Variants in ZDHHC24 observed in about 807,000 individuals in gnomAD.
ZDHHC24 encodes the protein probable palmitoyltransferase ZDHHC24.
ZDHHC24 carries 17 observed loss-of-function variants against 23.2 expected under a neutral mutation model. The observed-to-expected ratio is 0.73, with a 90% CI of 0.50 to 1.10. The LOEUF (loss-of-function observed/expected upper bound fraction) is 1.10, where lower values mean the gene tolerates loss of function less well. Ranked by LOEUF, ZDHHC24 falls within the 50% of genes least tolerant of loss-of-function variation. ZDHHC24 has a pLI of 0.00. For missense variants in ZDHHC24, 366 were observed against 393.0 expected (o/e 0.93, Z 0.58); for synonymous variants, 186 against 194.5 (o/e 0.96, Z 0.36).
downstream of ZDHHC24, among the ~76,000 whole-genome samples, chr11:66,531,184 C>T (rs1856766672): frequency 6.6e-6 from 1 of 152,196 alleles, no homozygotes; most frequent in African/African-American, 2.4e-5. Context: ...AGGCCAAGGC[C>T]CCAGTAGGGG....
At chr11:66,529,366 G>A in exon 3 of ZDHHC24, 2 of 1,492,484 alleles carry the variant, frequency 1.3e-6, no homozygotes, top group South Asian at 1.2e-5. Flanking sequence ...ACCTCCCTGT[G>A]GAGATGAGCA....
intron 4 of ZDHHC24, chr11:66,522,916 C>A: frequency 2.9e-6 from 1 of 347,442 alleles, no homozygotes; most frequent in Non-Finnish European, 5.6e-6. Flanking sequence ...AAAAAGGAAC[C>A]AGTTGGTGAG....
downstream of ZDHHC24, among the ~76,000 whole-genome samples, chr11:66,531,287 G>A (rs113353366): frequency 2.0e-5 from 3 of 152,336 alleles, no homozygotes; most frequent in African/African-American, 7.2e-5. Flanking sequence ...TGGGAAAACT[G>A]CTAGAGCCTG....
intron 4 of ZDHHC24, among the ~76,000 whole-genome samples, chr11:66,525,493 G>A (rs1460052800): frequency 6.6e-6 from 1 of 152,156 alleles, no homozygotes; most frequent in Non-Finnish European, 1.5e-5. Flanking sequence ...AACCCAGGAG[G>A]CAGAGGTTGC....
Position 66,545,698 on chromosome 11 carries a change from C to A in ZDHHC24, c.281+25G>T. On this transcript the variant is annotated intron_variant, in intron 1 of 2. Coordinates refer to ENST00000310442, the MANE Select transcript of ZDHHC24 (RefSeq NM_207340.3). This position sits in a 1 kb window ranked among gnomAD's most constrained non-coding sequence, Gnocchi z 4.5. ...CCCTGTCCAAGGCTCCCACTTCTCCCCGCCCGATCCCGCACCCCACTCACG... is the reference window on the plus strand; with the variant it reads ...CCCTGTCCAAGGCTCCCACTTCTCCACGCCCGATCCCGCACCCCACTCACG... 1 of 1,491,098 alleles carries A rather than the reference C, an allele frequency of 6.7e-7. No homozygotes were observed. 92.4% of individuals were successfully genotyped at this position (1,491,098 alleles called of 1,614,324 possible).
At chr11:66,530,875 C>T (rs755940643), downstream of ZDHHC24, 4 of 1,614,196 alleles carry the variant, frequency 2.5e-6, no homozygotes, top group Admixed American at 6.7e-5. Flanking sequence ...AGGGCTTTCT[C>T]CACCCACCCT....
chr11:66,534,443 CAAAAAAAAAAAA>C (rs1158925348), downstream of ZDHHC24, among the ~76,000 whole-genome samples: 26 of 26,832 alleles, frequency 9.7e-4, no homozygotes, highest in Admixed American at 3.2e-3. Context: ...AACTCTGTCT[CAAAAAAAAAAAA>C]AAAAAAAAAA....
At chr11:66,532,237 C>T (rs1856817638), downstream of ZDHHC24, 1 of 603,782 alleles carries the variant, frequency 1.7e-6, no homozygotes, top group Non-Finnish European at 2.9e-6. Context: ...CTCAACTCCT[C>T]CCACAGCACC....
chr11:66,543,940 C>T lies in ZDHHC24; in HGVS notation c.323G>A (p.Gly108Glu). 6.2e-7 allele frequency: 1 copy of T among 1,613,756 alleles called. No individual in the cohort carries two copies. Among genetic ancestry groups the T allele is most frequent in the South Asian group, 1.1e-5 (1 of 91,010 alleles). Reference sequence around the variant, plus strand: ...GCAGACGCGGCAGGCAGAGCAGTGTCCGCTGCGTGGCGGCACCTGGCTTTG... The same window carrying T: ...GCAGACGCGGCAGGCAGAGCAGTGTTCGCTGCGTGGCGGCACCTGGCTTTG... ...QCQSQVPPRS[G>E]HCSACRVCIL... is the part of the protein sequence containing the mutation. Residue 108 changes from glycine (G) to glutamate (E), a missense_variant, in exon 2 of 3, where the codon GGA becomes GAA. Coordinates refer to ENST00000310442, the MANE Select transcript of ZDHHC24 (RefSeq NM_207340.3).
chr11:66,523,826 A>G lies in ZDHHC24; in HGVS notation c.*22-2360T>C, dbSNP rs747656068. Reference sequence around the variant, plus strand: ...GCAGGCCGTCATGGCTGGGCTGGCCAATGGAGAGGTCCGCATTTATCGTGA... The same window carrying G: ...GCAGGCCGTCATGGCTGGGCTGGCCGATGGAGAGGTCCGCATTTATCGTGA... On this transcript the variant is annotated intron_variant, in intron 4 of 4. Transcript: ENST00000526986. 96 of 1,613,552 alleles carry G rather than the reference A, an allele frequency of 5.9e-5. No individual in the cohort carries two copies. Among genetic ancestry groups the G allele is most frequent in the Non-Finnish European group, 7.9e-5 (93 of 1,180,038 alleles).
rs1485649033 is a variant in ZDHHC24, at chr11:66,543,973, T to C, written c.290A>G (p.Tyr97Cys). 12 of 1,613,178 alleles carry C rather than the reference T, an allele frequency of 7.4e-6. No individual in the cohort carries two copies. The highest frequency in any genetic ancestry group is 1.3e-5 in the African/African-American group (1 of 74,904). Residue 97 changes from tyrosine to cysteine, a missense_variant, in exon 2 of 3, where the codon TAC becomes TGC. Physicochemically the swap from Tyr to Cys is radical, Grantham distance 194. Coordinates refer to ENST00000310442, the MANE Select transcript of ZDHHC24 (RefSeq NM_207340.3). The part of the protein sequence containing the change: ...RGLGQGWAYC[Y>C]QCQSQVPPRS... ...TGGCGGCACCTGGCTTTGGCATTGGTAGCAGTAACTGCAGGAAGGAACCAC... is the reference window on the plus strand; with the variant it reads ...TGGCGGCACCTGGCTTTGGCATTGGCAGCAGTAACTGCAGGAAGGAACCAC...
Position 66,545,678 on chromosome 11 carries a change from T to A in ZDHHC24, c.281+45A>T. 1.4e-6 allele frequency: 2 copies of A among 1,458,940 alleles called. No homozygotes were observed. Among genetic ancestry groups the A allele is most frequent in the Non-Finnish European group, 1.8e-6 (2 of 1,109,828 alleles). 90.4% of individuals were successfully genotyped at this position (1,458,940 alleles called of 1,614,324 possible). ...CAGGTCTTGGGGCCCCTCCCCCCTG[T>A]CCAAGGCTCCCACTTCTCCCCGCCC... On this transcript the variant is annotated intron_variant, in intron 1 of 2. Transcript: ENST00000310442. This position sits in a 1 kb window ranked among gnomAD's most constrained non-coding sequence, Gnocchi z 4.5.
Position 66,539,295 on chromosome 11 carries a change from G to C in ZDHHC24, c.*234C>G. The C allele has an allele frequency of 8.0e-7, 1 of 1,248,826 alleles. No homozygotes were observed. Among genetic ancestry groups the C allele is most frequent in the Non-Finnish European group, 1.0e-6 (1 of 998,400 alleles). 77.4% of individuals were successfully genotyped at this position (1,248,826 alleles called of 1,614,324 possible). On this transcript the variant is annotated 3_prime_UTR_variant, in exon 3 of 3. Coordinates refer to ENST00000310442, the MANE Select transcript of ZDHHC24 (RefSeq NM_207340.3). ...TCAGTGCTTTATTAACCTGGCAAAG[G>C]GGCAGCTAGGCGGCCTGAGCAGCCC...
Position 66,537,066 on chromosome 11 carries a change from G to A in ZDHHC24, c.*2463C>T, listed in dbSNP as rs900856293. 1 of 151,736 alleles carries A rather than the reference G, an allele frequency of 6.6e-6. No individual in the cohort carries two copies. The highest frequency in any genetic ancestry group is 2.4e-5 in the African/African-American group (1 of 41,356). 9.4% of individuals were successfully genotyped at this position (151,736 alleles called of 1,614,324 possible). On this transcript the variant is annotated 3_prime_UTR_variant, in exon 3 of 3. Transcript: ENST00000310442. Reference sequence around the variant, plus strand: ...CAGCCAAGCAGCTCAGATCTTTGTGGGCATGGGCAGAGCCTGTCAGAGGGT... The same window carrying A: ...CAGCCAAGCAGCTCAGATCTTTGTGAGCATGGGCAGAGCCTGTCAGAGGGT...
chr11:66,526,925 A>G, intron 4 of ZDHHC24: 1 of 1,602,040 alleles, frequency 6.2e-7, no homozygotes, highest in Non-Finnish European at 8.5e-7. Flanking sequence ...CCAACTAGGT[A>G]GGTCACTCAC....
chr11:66,525,766 AAG>A (rs1184724399), intron 4 of ZDHHC24, among the ~76,000 whole-genome samples: 5 of 152,216 alleles, frequency 3.3e-5, no homozygotes, highest in South Asian at 4.1e-4. Context: ...TGTCCTAAGA[AAG>A]AGAACAAAAG....
At chr11:66,539,875 T>C (rs778170353) in intron 2 of ZDHHC24, 51 bp from the exon 3 acceptor site, 1 of 1,464,810 alleles carries the variant, frequency 6.8e-7, no homozygotes, top group East Asian at 2.5e-5. Context: ...GGTCCGGCTT[T>C]CCTGCCACCT....
chr11:66,523,834 G>A lies in ZDHHC24; in HGVS notation c.*22-2368C>T, dbSNP rs773617456. 9 of 1,613,716 alleles carry A rather than the reference G, an allele frequency of 5.6e-6. No individual in the cohort carries two copies. The South Asian group carries it at 9.9e-5, about 18-fold the overall frequency. On this transcript the variant is annotated intron_variant, in intron 4 of 4. Transcript: ENST00000526986. ...TCATGGCTGGGCTGGCCAATGGAGA[G>A]GTCCGCATTTATCGTGACAAGGCCC... is the stretch of plus-strand genomic sequence containing the variant.
At position 66,543,807 on chromosome 11, in the gene ZDHHC24, G is replaced by A. The variant is rs201166846; in HGVS notation, c.456C>T (p.His152=). 3.7e-5 allele frequency: 60 copies of A among 1,613,444 alleles called. 2 individuals are homozygous for A. The highest frequency in any genetic ancestry group is 2.2e-5 in the East Asian group (1 of 44,870). ...GTGCAGGGCCCAGCAGCACAGAGAC[G>A]TGGAGCAGGACGCCGGCGGCATGAA... ...LLLHAAGVLL[H]VSVLLGPALS... Residue 152 remains histidine, a synonymous_variant, in exon 2 of 3, where the codon CAC becomes CAT. Transcript: ENST00000310442.
Sources: allele counts gnomAD v4.1 joint callset (sites outside exome capture counted in the v4.1 genomes callset), GRCh38; gene constraint gnomAD v4.1.1; non-coding constraint Gnocchi (gnomAD v3.1); transcripts MANE v1.5; gene names NCBI Gene and HGNC (gene_info 2026-07-23, HGNC 2026-07-21).